The following ASTN1 variants were observed in gnomAD, a reference collection of about 807,000 sequenced individuals.
ASTN1 encodes the protein astrotactin-1.
In ASTN1, 41 loss-of-function variants were observed where a neutral mutation model predicts 140.7. The ratio of observed to expected loss-of-function variants is 0.29; its 90% CI spans 0.23 to 0.38. The LOEUF (loss-of-function observed/expected upper bound fraction) is 0.38, where lower values mean the gene tolerates loss of function less well. Among genes scored for constraint, ASTN1 ranks in the 10% least tolerant of loss-of-function variants. The pLI is 1.00. For synonymous variants in ASTN1, 640 were observed against 652.2 expected, an observed-to-expected ratio of 0.98 and a Z score of 0.29; for missense variants, 1,479 against 1,678.8, an observed-to-expected ratio of 0.88 and a Z score of 2.08.
chr1:176,952,085 T>TA (rs1459832279), intron 11 of ASTN1, among the ~76,000 whole-genome samples: 1 of 152,186 alleles, frequency 6.6e-6, no homozygotes, highest in Non-Finnish European at 1.5e-5. Context: ...TCTAGTATGA[T>TA]AAAATCTGGA....
chr1:177,080,104 CA>C (rs1679105438), intron 1 of ASTN1, among the ~76,000 whole-genome samples: 1 of 151,856 alleles, frequency 6.6e-6, no homozygotes, highest in East Asian at 1.9e-4. Context: ...AATGCTTAAG[CA>C]ACAATGTCAA....
chr1:176,965,280 TACTC>T (rs775415446), intron 8 of ASTN1, 43 bp from the exon 9 acceptor site: 10 of 1,597,220 alleles, frequency 6.3e-6, no homozygotes, highest in South Asian at 2.2e-5. Flanking sequence ...ACTCAACAAA[TACTC>T]ACTGAACACC....
intron 17 of ASTN1, among the ~76,000 whole-genome samples, chr1:176,892,990 C>G (rs1055490783): frequency 2.0e-5 from 3 of 152,188 alleles, no homozygotes; most frequent in Non-Finnish European, 4.4e-5. Context: ...CAACCCATCT[C>G]TTAAAACTGG....
At chr1:177,141,470 GA>G (rs66494741) in intron 1 of ASTN1, among the ~76,000 whole-genome samples, 29,169 of 151,564 alleles carry the variant, frequency 0.19, 5,364 homozygotes, top group African/African-American at 0.49. Context: ...GAATATGGGG[GA>G]AAAAAAACTG....
intron 1 of ASTN1, among the ~76,000 whole-genome samples, chr1:177,105,424 A>G (rs1680503303): frequency 6.6e-6 from 1 of 152,112 alleles, no homozygotes; most frequent in African/African-American, 2.4e-5. Context: ...TTCTCTTCTT[A>G]GAAACACTAA....
intron 17 of ASTN1, among the ~76,000 whole-genome samples, chr1:176,892,874 G>C (rs1353265634): frequency 6.6e-6 from 1 of 152,170 alleles, no homozygotes; most frequent in African/African-American, 2.4e-5. Context: ...GACAAAATAT[G>C]TCTAAGGAAG....
chr1:176,871,283 G>A (rs916069513), intron 21 of ASTN1, among the ~76,000 whole-genome samples: 4 of 152,150 alleles, frequency 2.6e-5, no homozygotes, highest in Admixed American at 6.5e-5. Context: ...AGCAAGGAGC[G>A]CTTGCTGAGA....
intron 16 of ASTN1, among the ~76,000 whole-genome samples, chr1:176,930,009 A>G (rs1433300725): frequency 1.3e-5 from 2 of 152,240 alleles, no homozygotes; most frequent in African/African-American, 4.8e-5. Context: ...CTCCGTCTCA[A>G]AAAAACAAAA....
At chr1:176,903,295 C>T (rs1184478847) in intron 16 of ASTN1, among the ~76,000 whole-genome samples, 1 of 151,994 alleles carries the variant, frequency 6.6e-6, no homozygotes, top group Non-Finnish European at 1.5e-5. Context: ...CTCTCTCTCT[C>T]TCCCCATTTC....
intron 8 of ASTN1, among the ~76,000 whole-genome samples, chr1:176,992,568 CTA>C (rs1430188573): frequency 2.6e-5 from 4 of 152,170 alleles, no homozygotes; most frequent in African/African-American, 4.8e-5. Context: ...ATTCTCAAGT[CTA>C]AACTGAAATA....
At chr1:177,131,844 C>A (rs1329294692) in intron 1 of ASTN1, among the ~76,000 whole-genome samples, 1 of 152,098 alleles carries the variant, frequency 6.6e-6, no homozygotes, top group East Asian at 1.9e-4. Context: ...AGAAGGAGAG[C>A]TATCGGTGAG....
chr1:177,084,117 A>T (rs1443094399), intron 1 of ASTN1, among the ~76,000 whole-genome samples: 1 of 152,072 alleles, frequency 6.6e-6, no homozygotes, highest in Admixed American at 6.5e-5. Context: ...TCCGCCTCTG[A>T]CTCCAAGGCA....
chr1:176,985,312 G>C (rs908341069), intron 8 of ASTN1, among the ~76,000 whole-genome samples: 8 of 152,052 alleles, frequency 5.3e-5, no homozygotes, highest in Non-Finnish European at 1.0e-4. Flanking sequence ...TGTGGTCTTT[G>C]AGTCCTCCCC....
intron 7 of ASTN1, among the ~76,000 whole-genome samples, chr1:177,017,033 A>G (rs144612131): frequency 1.3e-5 from 2 of 152,350 alleles, no homozygotes; most frequent in East Asian, 3.9e-4. Flanking sequence ...GTTCTCTTTC[A>G]CATTTGATAT....
intron 1 of ASTN1, among the ~76,000 whole-genome samples, chr1:177,086,778 A>T (rs1679490999): frequency 6.6e-6 from 1 of 152,252 alleles, no homozygotes; most frequent in Non-Finnish European, 1.5e-5. Flanking sequence ...TGGGTGATTT[A>T]AAAATTCTTC....
intron 16 of ASTN1, among the ~76,000 whole-genome samples, chr1:176,901,949 T>C (rs1669784508): frequency 6.6e-6 from 1 of 152,260 alleles, no homozygotes; most frequent in Non-Finnish European, 1.5e-5. Context: ...TTAAGGTTAC[T>C]ATATGCTTCA....
At chr1:176,897,440 T>C (rs1174400658) in intron 16 of ASTN1, among the ~76,000 whole-genome samples, 1 of 152,188 alleles carries the variant, frequency 6.6e-6, no homozygotes, top group Non-Finnish European at 1.5e-5. Flanking sequence ...ACCCACCTTC[T>C]AATTATACGC....
chr1:177,081,712 A>G (rs1679189468), intron 1 of ASTN1, among the ~76,000 whole-genome samples: 1 of 152,184 alleles, frequency 6.6e-6, no homozygotes, highest in South Asian at 2.1e-4. Context: ...TGGGGAGCTC[A>G]CCAGAGGCCA....
chr1:177,078,480 G>A (rs1033469454), intron 1 of ASTN1, among the ~76,000 whole-genome samples: 1 of 152,110 alleles, frequency 6.6e-6, no homozygotes. Context: ...CTAGATCATG[G>A]AATCCCACAG....
Sources: allele counts gnomAD v4.1 joint callset (sites outside exome capture counted in the v4.1 genomes callset), GRCh38; gene constraint gnomAD v4.1.1; transcripts MANE v1.5; gene names NCBI Gene and HGNC (gene_info 2026-07-23, HGNC 2026-07-21).